RBFOX1: variants seen among roughly 807,000 people sequenced by gnomAD.
RBFOX1 encodes the protein RNA binding protein fox-1 homolog 1.
In RBFOX1, 8 loss-of-function variants were observed where a neutral mutation model predicts 57.7. That is an observed-to-expected ratio of 0.14 (90% CI 0.08 to 0.25). The LOEUF is 0.25. RBFOX1 is among the 10% of genes least tolerant of loss of function. The pLI, the probability that RBFOX1 is intolerant of heterozygous loss-of-function variation, is 1.00. For missense variants in RBFOX1, 611 were observed against 548.5 expected, an observed-to-expected ratio of 1.11 and a Z score of -1.14; for synonymous variants, 326 against 222.4, an observed-to-expected ratio of 1.47 and a Z score of -4.15.
chr16:6,091,748 T>C (rs888113858), intron 1 of RBFOX1, among the ~76,000 whole-genome samples: 14 of 152,176 alleles, frequency 9.2e-5, no homozygotes, highest in African/African-American at 3.4e-4. Flanking sequence ...GGAGAATTGC[T>C]TGAACCTGGG....
At chr16:7,321,601 A>G (rs1427910982) in intron 4 of RBFOX1, among the ~76,000 whole-genome samples, 9 of 152,224 alleles carry the variant, frequency 5.9e-5, no homozygotes, top group Admixed American at 5.9e-4. Context: ...TCACAGTAAT[A>G]TGAAGATAGT....
chr16:6,210,841 G>T (rs924581553), intron 1 of RBFOX1, among the ~76,000 whole-genome samples: 3 of 152,224 alleles, frequency 2.0e-5, no homozygotes, highest in Admixed American at 6.5e-5. Flanking sequence ...GCTCCAGGCA[G>T]TCCTTAAGTG....
At chr16:6,482,242 C>T (rs2095382492) in intron 2 of RBFOX1, among the ~76,000 whole-genome samples, 1 of 152,188 alleles carries the variant, frequency 6.6e-6, no homozygotes, top group African/African-American at 2.4e-5. Flanking sequence ...TTTTATTTCC[C>T]ATTTAGATCC....
chr16:7,401,591 G>T (rs751583229), intron 4 of RBFOX1, among the ~76,000 whole-genome samples: 105 of 152,142 alleles, frequency 6.9e-4, no homozygotes, highest in Non-Finnish European at 9.4e-4. Context: ...TGTTGTTTAT[G>T]CTCTGTGTGA....
At chr16:7,498,047 G>C (rs750378510) in intron 4 of RBFOX1, among the ~76,000 whole-genome samples, 4 of 152,186 alleles carry the variant, frequency 2.6e-5, no homozygotes, top group Non-Finnish European at 5.9e-5. Context: ...TGGGAGCTTT[G>C]TTGGATTTGG....
At chr16:6,752,009 T>A (rs2075018388) in intron 3 of RBFOX1, among the ~76,000 whole-genome samples, 1 of 152,152 alleles carries the variant, frequency 6.6e-6, no homozygotes, top group Non-Finnish European at 1.5e-5. Context: ...CCAGTTGGAA[T>A]AGGTGACTCA....
chr16:7,570,132 T>C (rs149726563), intron 5 of RBFOX1, among the ~76,000 whole-genome samples: 237 of 151,410 alleles, frequency 1.6e-3, no homozygotes, highest in African/African-American at 5.1e-3. Flanking sequence ...CCTTAATAAA[T>C]TGGGTTAAAA....
At chr16:5,760,832 G>A (rs1229442754) in intron 3 of RBFOX1, among the ~76,000 whole-genome samples, 2 of 152,200 alleles carry the variant, frequency 1.3e-5, no homozygotes, top group Non-Finnish European at 2.9e-5. Flanking sequence ...GGTCGTTACT[G>A]GGAGCAGAAA....
chr16:7,314,156 ACT>A (rs1419814703), intron 4 of RBFOX1, among the ~76,000 whole-genome samples: 27 of 152,318 alleles, frequency 1.8e-4, no homozygotes, highest in Admixed American at 1.7e-3. Flanking sequence ...AATCATCAGC[ACT>A]GAGAATGATG....
intron 4 of RBFOX1, among the ~76,000 whole-genome samples, chr16:7,204,488 A>G (rs2089488828): frequency 1.3e-5 from 2 of 152,102 alleles, no homozygotes; most frequent in African/African-American, 2.4e-5. Context: ...TAAAAATTAT[A>G]ATAGTAAATT....
At chr16:6,986,315 C>T (rs1380819228) in intron 3 of RBFOX1, among the ~76,000 whole-genome samples, 1 of 152,098 alleles carries the variant, frequency 6.6e-6, no homozygotes, top group Admixed American at 6.6e-5. Flanking sequence ...ACTCTTGCCT[C>T]AGCCTCCCGA....
intron 4 of RBFOX1, among the ~76,000 whole-genome samples, chr16:5,911,737 C>A (rs1373563024): frequency 2.6e-5 from 4 of 152,140 alleles, no homozygotes; most frequent in Non-Finnish European, 4.4e-5. Flanking sequence ...TGGTGAGAGT[C>A]CACATTCTGG....
intron 5 of RBFOX1, among the ~76,000 whole-genome samples, chr16:7,525,045 A>G (rs1378054969): frequency 6.6e-6 from 1 of 152,244 alleles, no homozygotes; most frequent in Non-Finnish European, 1.5e-5. Flanking sequence ...GAAATGAGTT[A>G]CTAATACCTT....
chr16:6,365,329 T>A (rs1157548219), intron 2 of RBFOX1, among the ~76,000 whole-genome samples: 2 of 146,030 alleles, frequency 1.4e-5, no homozygotes, highest in Non-Finnish European at 1.5e-5. Flanking sequence ...GGTGGATGGG[T>A]GGGTGGATGG....
chr16:6,255,365 G>A (rs1005749628), intron 1 of RBFOX1, among the ~76,000 whole-genome samples: 6 of 152,120 alleles, frequency 3.9e-5, no homozygotes, highest in South Asian at 2.1e-4. Flanking sequence ...GATGAGATGC[G>A]AAAGGATGGC....
chr16:6,594,529 G>C (rs1193858272), intron 2 of RBFOX1, among the ~76,000 whole-genome samples: 1 of 152,072 alleles, frequency 6.6e-6, no homozygotes, highest in African/African-American at 2.4e-5. Context: ...CAGTGCCTCT[G>C]ATTTTCCAGG....
At chr16:5,613,273 CAT>C (rs2151256340) in intron 3 of RBFOX1, among the ~76,000 whole-genome samples, 1 of 152,334 alleles carries the variant, frequency 6.6e-6, no homozygotes, top group African/African-American at 2.4e-5. Context: ...TCAGAACACA[CAT>C]ATGCCTGCAG....
rs188840665 is a variant in RBFOX1, at chr16:6,809,630, T to C, written c.-16+154980T>C. 1.4e-4 allele frequency among the ~76,000 whole-genome samples: 21 copies of C among 152,212 alleles called. No individual in the cohort carries two copies. In the East Asian group the frequency reaches 3.5e-3, roughly 25 times the overall value. On this transcript the variant is annotated intron_variant, in intron 3 of 15. Transcript: ENST00000550418. ...GAATTGCTACCCCATCCGAAGTCCATAGGAACACAGCATAGAACAAACTGA... is the reference window on the plus strand; with the variant it reads ...GAATTGCTACCCCATCCGAAGTCCACAGGAACACAGCATAGAACAAACTGA...
At chr16:5,354,236 C>T (rs1417689916) in intron 1 of RBFOX1, among the ~76,000 whole-genome samples, 1 of 152,162 alleles carries the variant, frequency 6.6e-6, no homozygotes, top group Admixed American at 6.5e-5. Context: ...GTGAGTCTCT[C>T]TGGTCTTTCT....
Sources: allele counts gnomAD v4.1 joint callset (sites outside exome capture counted in the v4.1 genomes callset), GRCh38; gene constraint gnomAD v4.1.1; transcripts MANE v1.5; gene names NCBI Gene and HGNC (gene_info 2026-07-23, HGNC 2026-07-21).